Variants in PACRG observed in about 807,000 individuals in gnomAD.
PACRG encodes the protein parkin coregulated.
A neutral mutation model predicts 29.7 loss-of-function variants in PACRG; 29 were observed. The observed-to-expected ratio is 0.98, with a 90% CI of 0.73 to 1.33. The LOEUF is 1.33. Among genes scored for constraint, PACRG ranks in the 40% most tolerant of loss-of-function variants. The probability of loss-of-function intolerance (pLI) is 0.00; values close to 1 mark genes in which losing one functional copy is unlikely to be tolerated. For synonymous variants in PACRG, 116 were observed against 118.7 expected (o/e 0.98, Z 0.15); for missense variants, 279 against 316.2 (o/e 0.88, Z 0.89).
At chr6:163,313,934 G>A (rs1227633203) in intron 4 of PACRG, 2 of 152,194 alleles carry the variant, frequency 1.3e-5, no homozygotes, top group African/African-American at 4.8e-5. Flanking sequence ...GAAACTAAGG[G>A]GCCCCATTTT....
intron 4 of PACRG, among the ~76,000 whole-genome samples, chr6:163,262,870 C>CG (rs955782200): frequency 1.3e-5 from 2 of 148,266 alleles, no homozygotes. Flanking sequence ...AGTGAGACCC[C>CG]CCCCCCCATG....
intron 1 of PACRG, among the ~76,000 whole-genome samples, chr6:162,760,609 C>A (rs1361006832): frequency 6.6e-6 from 1 of 152,080 alleles, no homozygotes; most frequent in Admixed American, 6.6e-5. Flanking sequence ...ATGGAGGAAC[C>A]ACACGGAGGT....
At chr6:162,773,976 A>G (rs1046228251) in intron 1 of PACRG, among the ~76,000 whole-genome samples, 4 of 152,174 alleles carry the variant, frequency 2.6e-5, no homozygotes, top group Non-Finnish European at 4.4e-5. Flanking sequence ...CCAAAATTCA[A>G]TATTTTGTTA....
intron 2 of PACRG, among the ~76,000 whole-genome samples, chr6:162,947,912 C>G (rs1416280371): frequency 6.6e-6 from 1 of 151,252 alleles, no homozygotes; most frequent in African/African-American, 2.4e-5. Flanking sequence ...AGGACACAAA[C>G]AAAGGTCACC....
At chr6:163,082,166 T>C (rs1813145057) in intron 3 of PACRG, among the ~76,000 whole-genome samples, 1 of 152,112 alleles carries the variant, frequency 6.6e-6, no homozygotes, top group Admixed American at 6.5e-5. Flanking sequence ...AACAACAAAA[T>C]ATAGAATTTC....
At chr6:162,907,590 C>G (rs1796017611) in intron 2 of PACRG, among the ~76,000 whole-genome samples, 1 of 152,068 alleles carries the variant, frequency 6.6e-6, no homozygotes. Flanking sequence ...AGGATGATTT[C>G]ATTTATTTTA....
At chr6:163,217,919 A>T (rs1781427005) in intron 4 of PACRG, among the ~76,000 whole-genome samples, 1 of 152,076 alleles carries the variant, frequency 6.6e-6, no homozygotes, top group African/African-American at 2.4e-5. Context: ...TTCATTATAT[A>T]TTACAATGTA....
intron 4 of PACRG, among the ~76,000 whole-genome samples, chr6:163,288,151 T>G (rs1784461239): frequency 6.6e-6 from 1 of 152,228 alleles, no homozygotes; most frequent in Non-Finnish European, 1.5e-5. Context: ...TTAATTGCAA[T>G]TTCGTCTCAT....
At chr6:162,844,378 C>T (rs1790146119) in intron 2 of PACRG, among the ~76,000 whole-genome samples, 2 of 152,232 alleles carry the variant, frequency 1.3e-5, no homozygotes, top group Non-Finnish European at 1.5e-5. Context: ...AGTCCGTCAC[C>T]CCTCTCTGAC....
intron 2 of PACRG, among the ~76,000 whole-genome samples, chr6:162,875,305 A>ATT (rs1230887020): frequency 3.3e-5 from 5 of 151,868 alleles, no homozygotes; most frequent in Non-Finnish European, 7.4e-5. Context: ...ATGCACACAC[A>ATT]GACATGCACA....
At position 163,287,794 on chromosome 6, in the gene PACRG, G is replaced by T. The variant is rs377537468; in HGVS notation, c.614-27033G>T. 1.4e-4 allele frequency among the ~76,000 whole-genome samples: 21 copies of T among 152,306 alleles called. No homozygotes were observed. In the East Asian group the frequency reaches 4.1e-3, roughly 29 times the overall value. On this transcript the variant is annotated intron_variant, in intron 4 of 4. Coordinates refer to ENST00000366888, the MANE Select transcript of PACRG (RefSeq NM_001080379.2). ...GGGGTACATGTGTTGCTCTGAGTGT[G>T]GCGTGCGCAGTTGGGAAACCTCAGA...
intron 3 of PACRG, among the ~76,000 whole-genome samples, chr6:163,069,892 A>G (rs1445322347): frequency 6.6e-6 from 1 of 152,212 alleles, no homozygotes; most frequent in Non-Finnish European, 1.5e-5. Flanking sequence ...GGTTAAGGAT[A>G]AAGAAAGAAT....
At chr6:163,096,079 C>G (rs1288890791) in intron 4 of PACRG, among the ~76,000 whole-genome samples, 2 of 152,166 alleles carry the variant, frequency 1.3e-5, no homozygotes, top group African/African-American at 4.8e-5. Flanking sequence ...TTCCTTTCAG[C>G]AGGAAGGGTT....
intron 4 of PACRG, among the ~76,000 whole-genome samples, chr6:163,226,707 T>G (rs1220803689): frequency 6.6e-6 from 1 of 152,126 alleles, no homozygotes; most frequent in Non-Finnish European, 1.5e-5. Flanking sequence ...ATTCCCAGGG[T>G]GAGACCCAGC....
At chr6:162,761,832 G>A (rs892713951) in intron 1 of PACRG, among the ~76,000 whole-genome samples, 23 of 151,500 alleles carry the variant, frequency 1.5e-4, no homozygotes, top group Non-Finnish European at 3.4e-4. Flanking sequence ...AGCTTCTCGA[G>A]AGGCTGGGGC....
chr6:163,078,839 A>G lies in PACRG; in HGVS notation c.464-10420A>G, dbSNP rs76324620. On this transcript the variant is annotated intron_variant, in intron 3 of 4. Coordinates refer to ENST00000366888, the MANE Select transcript of PACRG (RefSeq NM_001080379.2). ...AGTGGCTTATTCCTTAAGCCACCAA[A>G]GCACAGGACACAGCAGGTGTCTCGA... Among the ~76,000 whole-genome samples the G allele has an allele frequency of 5.7e-3, 866 of 152,296 alleles. 6 individuals are homozygous for G. The highest frequency in any genetic ancestry group is 8.1e-3 in the Non-Finnish European group (552 of 68,024).
intron 2 of PACRG, among the ~76,000 whole-genome samples, chr6:162,843,323 C>T (rs1789982743): frequency 6.8e-6 from 1 of 146,590 alleles, no homozygotes; most frequent in Non-Finnish European, 1.5e-5. Context: ...CTCTAAACTT[C>T]CCTTCTCGCT....
chr6:162,968,367 A>G (rs558831837), intron 2 of PACRG, among the ~76,000 whole-genome samples: 96 of 152,366 alleles, frequency 6.3e-4, no homozygotes, highest in African/African-American at 2.1e-3. Flanking sequence ...TCCTTCTGCA[A>G]GAATATTGTC....
chr6:162,797,678 T>TG (rs958558109), intron 1 of PACRG, among the ~76,000 whole-genome samples: 3 of 152,148 alleles, frequency 2.0e-5, no homozygotes, highest in Admixed American at 2.0e-4. Context: ...TGAATTTTTT[T>TG]GGGGGGGACT....
Sources: gnomAD v4.1 joint callset for allele counts (sites outside exome capture counted in the v4.1 genomes callset) on GRCh38, gnomAD v4.1.1 for gene constraint, MANE v1.5 for transcripts, NCBI Gene and HGNC (gene_info 2026-07-23, HGNC 2026-07-21) for gene names.